The following SHCBP1L variants were observed in gnomAD, a reference collection of about 807,000 sequenced individuals.
The protein encoded by SHCBP1L is SHC binding and spindle associated 1 like, also known as testicular spindle-associated protein SHCBP1L.
A neutral mutation model predicts 62.5 loss-of-function variants in SHCBP1L; 67 were observed. The ratio of observed to expected loss-of-function variants is 1.07; its 90% confidence interval spans 0.88 to 1.31. SHCBP1L has a LOEUF of 1.31. SHCBP1L is among the 40% of genes most tolerant of loss of function. SHCBP1L has a pLI of 0.00. For synonymous variants in SHCBP1L, 284 were observed against 289.4 expected (o/e 0.98, Z 0.19); for missense variants, 823 against 809.8 (o/e 1.02, Z -0.20).
In SHCBP1L at chr1:182,930,703, G is replaced by GTGTGTA. The variant is rs1463256863; in HGVS notation, c.1077-952_1077-951insTACACA. Among the ~76,000 whole-genome samples, 25 of 14,282 alleles carry GTGTGTA rather than the reference G, an allele frequency of 1.8e-3. 1 individual carries two copies. Among genetic ancestry groups the GTGTGTA allele is most frequent in the Non-Finnish European group, 3.1e-3 (22 of 7,052 alleles). The allele number at this position is 14,282 out of a possible 152,430, so 9.4% of individuals were successfully genotyped here. A position where few individuals can be genotyped will look rare whatever the true frequency, so the allele number is the denominator to read the frequency against. ...TGTGTGTGTGTGTGTGTGTGTGTGT[G>GTGTGTA]TATATATATATATATATATATGTAT... On this transcript the variant is annotated intron_variant, in intron 5 of 9. Transcript: ENST00000367547.
intron 6 of SHCBP1L, among the ~76,000 whole-genome samples, chr1:182,927,045 T>C (rs1650776178): frequency 1.8e-5 from 2 of 111,056 alleles, no homozygotes; most frequent in Admixed American, 9.7e-5. Flanking sequence ...TGCTCTTAAC[T>C]AGCACTATAT....
At chr1:182,928,233 A>T (rs1404222134) in intron 6 of SHCBP1L, among the ~76,000 whole-genome samples, 5 of 152,112 alleles carry the variant, frequency 3.3e-5, no homozygotes, top group African/African-American at 1.2e-4. Flanking sequence ...GGTTCCTCAT[A>T]TATACTAACC....
At chr1:182,948,406 G>A (rs537198103) in intron 2 of SHCBP1L, among the ~76,000 whole-genome samples, 1 of 152,300 alleles carries the variant, frequency 6.6e-6, no homozygotes, top group Non-Finnish European at 1.5e-5. Context: ...TTCTAATCAC[G>A]AGTCTATTAA....
chr1:182,924,797 A>AAAGGAAGG (rs1159802184), intron 6 of SHCBP1L, among the ~76,000 whole-genome samples: 1 of 122,746 alleles, frequency 8.1e-6, no homozygotes, highest in African/African-American at 4.4e-5. Flanking sequence ...AGAGAGAAAG[A>AAAGGAAGG]AAGGAAGGAA....
At chr1:182,902,056 T>A (rs1172900235) in intron 9 of SHCBP1L, among the ~76,000 whole-genome samples, 1 of 149,420 alleles carries the variant, frequency 6.7e-6, no homozygotes, top group Non-Finnish European at 1.5e-5. Flanking sequence ...TCTTTCTTTT[T>A]TTTTCTTTTT....
intron 3 of SHCBP1L, 71 bp from the exon 4 acceptor site, chr1:182,939,624 C>A: frequency 9.1e-7 from 1 of 1,100,088 alleles, no homozygotes; most frequent in South Asian, 1.5e-5. Flanking sequence ...AATGGATATT[C>A]TGATGTCAGA....
intron 1 of SHCBP1L, chr1:182,952,043 G>A: frequency 5.6e-6 from 1 of 178,144 alleles, no homozygotes; most frequent in Non-Finnish European, 1.2e-5. Flanking sequence ...TGTAATCCCA[G>A]CTACTCGGGA....
intron 6 of SHCBP1L, among the ~76,000 whole-genome samples, chr1:182,922,416 T>G (rs569768186): frequency 6.7e-4 from 102 of 152,040 alleles, no homozygotes; most frequent in Non-Finnish European, 1.1e-3. Context: ...TAGCCAGGCA[T>G]GGTGGTGCAT....
intron 6 of SHCBP1L, among the ~76,000 whole-genome samples, chr1:182,926,669 G>A (rs903542630): frequency 5.9e-5 from 9 of 151,858 alleles, no homozygotes; most frequent in African/African-American, 7.3e-5. Context: ...ACACTATACC[G>A]TCTCCAGATT....
At chr1:182,939,771 T>C (rs1294746340) in intron 3 of SHCBP1L, among the ~76,000 whole-genome samples, 1 of 152,180 alleles carries the variant, frequency 6.6e-6, no homozygotes, top group Non-Finnish European at 1.5e-5. Flanking sequence ...AGTGGGACTG[T>C]AAAATTGTTT....
rs754179442 is a variant in SHCBP1L, at chr1:182,900,093, T to A, written c.1852A>T (p.Lys618Ter). The A allele has an allele frequency of 6.2e-7, 1 of 1,612,792 alleles. No individual in the cohort carries two copies. The highest frequency in any genetic ancestry group is 8.5e-7 in the Non-Finnish European group (1 of 1,179,286). The change falls in exon 10 of 10, where the codon AAA becomes TAA. Residue 618 changes from lysine to a stop codon, truncating the protein, a stop_gained. Coordinates refer to ENST00000367547, the MANE Select transcript of SHCBP1L (RefSeq NM_030933.4). LOFTEE classifies it high-confidence loss of function. The stretch of plus-strand genomic sequence containing the variant: ...TTGAAGAGCATTTTATCATCTTTTT[T>A]ATCTCCTGAAGAAGCCCTTTTGTTG... ...ALNKRASSGDKKDDKMLFKVM... is the reference protein window; with the variant it reads ...ALNKRASSGD
intron 9 of SHCBP1L, 67 bp from the exon 10 acceptor site, chr1:182,900,301 T>C (rs1571332214): frequency 6.1e-6 from 8 of 1,305,044 alleles, no homozygotes; most frequent in East Asian, 5.0e-5. Flanking sequence ...AATGAACATA[T>C]AAAAATTAGC....
intron 6 of SHCBP1L, among the ~76,000 whole-genome samples, chr1:182,922,064 T>C (rs1309501117): frequency 1.3e-5 from 2 of 152,140 alleles, no homozygotes; most frequent in African/African-American, 4.8e-5. Context: ...TGGCATTACA[T>C]AATGATAAAG....
chr1:182,921,029 C>T (rs953457343), intron 6 of SHCBP1L, among the ~76,000 whole-genome samples: 11 of 151,954 alleles, frequency 7.2e-5, no homozygotes, highest in African/African-American at 2.7e-4. Context: ...GCAGAGTACC[C>T]CTATGAGATA....
chr1:182,903,418 A>G (rs1000920197), intron 8 of SHCBP1L, among the ~76,000 whole-genome samples: 1 of 152,210 alleles, frequency 6.6e-6, no homozygotes, highest in African/African-American at 2.4e-5. Flanking sequence ...CACCCAAATG[A>G]TTCTCTAGAA....
intron 6 of SHCBP1L, among the ~76,000 whole-genome samples, chr1:182,927,477 C>G (rs1194735562): frequency 6.6e-6 from 1 of 152,032 alleles, no homozygotes; most frequent in Non-Finnish European, 1.5e-5. Flanking sequence ...TCGAGACCAT[C>G]CTGGCTAACG....
chr1:182,936,729 T>A (rs897980069), intron 5 of SHCBP1L, among the ~76,000 whole-genome samples: 1 of 152,042 alleles, frequency 6.6e-6, no homozygotes, highest in African/African-American at 2.4e-5. Context: ...TTATGTTAAA[T>A]AGCTATCTTT....
At chr1:182,928,584 C>T (rs1650858600) in intron 6 of SHCBP1L, among the ~76,000 whole-genome samples, 1 of 151,968 alleles carries the variant, frequency 6.6e-6, no homozygotes, top group South Asian at 2.1e-4. Flanking sequence ...CACAGCTTAT[C>T]CCAGGATGTA....
rs1284964632 is a variant in SHCBP1L at position 182,929,629 on chromosome 1, G to C, written c.1182+18C>G. ...CAGCTAATACTTAAATAACAAATAA[G>C]AATAGTTTATTTCTTACCATTTCAG... is the stretch of plus-strand genomic sequence containing the variant. On this transcript the variant is annotated intron_variant, in intron 6 of 9. Transcript: ENST00000367547. The C allele has an allele frequency of 6.9e-7, 1 of 1,458,268 alleles. No individual in the cohort carries two copies. The highest frequency in any genetic ancestry group is 9.3e-7 in the Non-Finnish European group (1 of 1,074,990). 90.3% of individuals were successfully genotyped at this position (1,458,268 alleles called of 1,614,324 possible).
Sources: gnomAD v4.1 joint callset for allele counts (sites outside exome capture counted in the v4.1 genomes callset) on GRCh38, gnomAD v4.1.1 for gene constraint, MANE v1.5 for transcripts, NCBI Gene and HGNC (gene_info 2026-07-23, HGNC 2026-07-21) for gene names.